Variants in CECR2 observed in about 807,000 individuals in gnomAD.
CECR2 encodes CECR2 histone acetyl-lysine reader.
Under a neutral mutation model 154.5 loss-of-function variants are expected in CECR2, and 30 were observed. That is an observed-to-expected ratio of 0.19 (90% CI 0.15 to 0.26). The LOEUF (loss-of-function observed/expected upper bound fraction) is 0.26, where lower values mean the gene tolerates loss of function less well. CECR2 is among the 10% of genes least tolerant of loss of function. The pLI is 1.00. For synonymous variants in CECR2, 725 were observed against 683.7 expected (o/e 1.06, Z -0.94); for missense variants, 1,743 against 1,829.3 (o/e 0.95, Z 0.86).
intron 1 of CECR2, among the ~76,000 whole-genome samples, chr22:17,401,457 ATC>A (rs1175082528): frequency 4.0e-5 from 6 of 151,876 alleles, no homozygotes; most frequent in Non-Finnish European, 8.8e-5. Flanking sequence ...TCCCTTTGTA[ATC>A]TCTTTGCCCC....
intron 1 of CECR2, among the ~76,000 whole-genome samples, chr22:17,445,835 C>G (rs2054653484): frequency 6.6e-6 from 1 of 152,082 alleles, no homozygotes; most frequent in Non-Finnish European, 1.5e-5. Context: ...TCAAGTGATC[C>G]TCCTGCCTCA....
Position 17,409,701 on chromosome 22 carries a change from G to T in CECR2, c.126+39792G>T, listed in dbSNP as rs1227291608. ...CTTTTCTGTTTTCTTCTTCTGGGGT[G>T]ACCTTTTTGGTTTACTTTAGTCTGT... On this transcript the variant is annotated intron_variant, in intron 1 of 18. Coordinates refer to ENST00000262608, the MANE Select transcript of CECR2 (RefSeq NM_001290047.2). Among the ~76,000 whole-genome samples the T allele has an allele frequency of 3.6e-5, 4 of 111,448 alleles. 1 individual carries two copies. The highest frequency in any genetic ancestry group is 6.0e-5 in the African/African-American group (2 of 33,572). The allele number at this position is 111,448 out of a possible 152,430, so 73.1% of individuals were successfully genotyped here.
chr22:17,437,117 T>C (rs918256367), intron 1 of CECR2, among the ~76,000 whole-genome samples: 2 of 152,066 alleles, frequency 1.3e-5, no homozygotes, highest in Non-Finnish European at 2.9e-5. Context: ...GGTTGTCTGG[T>C]GTTTGTTTCT....
chr22:17,406,625 T>G (rs532495047), intron 1 of CECR2, among the ~76,000 whole-genome samples: 1 of 152,204 alleles, frequency 6.6e-6, no homozygotes, highest in African/African-American at 2.4e-5. Flanking sequence ...TCTTTATCTT[T>G]TAATACAATA....
rs1368984575 is a variant in CECR2 at position 17,553,445 on chromosome 22, A to G, written c.*605A>G. Reference sequence around the variant, plus strand: ...TTTTATCTGTTTACAATCATGTCACACTGAATACTTATGGGAGCCGGAGAT... The same window carrying G: ...TTTTATCTGTTTACAATCATGTCACGCTGAATACTTATGGGAGCCGGAGAT... On this transcript the variant is annotated 3_prime_UTR_variant, in exon 19 of 19. Transcript: ENST00000262608. The G allele has an allele frequency of 6.6e-6, 1 of 152,310 alleles. No homozygotes were observed. The highest frequency in any genetic ancestry group is 1.9e-4 in the East Asian group (1 of 5,204). 9.4% of individuals were successfully genotyped at this position (152,310 alleles called of 1,614,324 possible). A position where few individuals can be genotyped will look rare whatever the true frequency, so the allele number is the denominator to read the frequency against.
At chr22:17,408,713 A>G (rs17807973) in intron 1 of CECR2, among the ~76,000 whole-genome samples, 5,506 of 152,318 alleles carry the variant, frequency 0.036, 109 homozygotes, top group Middle Eastern at 0.048. Context: ...AGTTCATCCC[A>G]TAGCTAAACA....
At chr22:17,417,186 G>T (rs1298032608) in intron 1 of CECR2, among the ~76,000 whole-genome samples, 1 of 152,162 alleles carries the variant, frequency 6.6e-6, no homozygotes, top group African/African-American at 2.4e-5. Flanking sequence ...CATTTGAATA[G>T]AAATGGCATT....
chr22:17,505,199 C>T (rs575159513), intron 7 of CECR2, among the ~76,000 whole-genome samples, 183 bp downstream of exon 7: 1 of 152,074 alleles, frequency 6.6e-6, no homozygotes, highest in Non-Finnish European at 1.5e-5. Context: ...ACTGTGGGTC[C>T]TATCATGTTC....
In CECR2 at chr22:17,552,160, T is replaced by C; in HGVS notation, c.4389+18T>C. 1 of 1,601,306 alleles carries C rather than the reference T, an allele frequency of 6.2e-7. No individual in the cohort carries two copies. The highest frequency in any genetic ancestry group is 8.6e-7 in the Non-Finnish European group (1 of 1,168,512). On this transcript the variant is annotated intron_variant, in intron 18 of 18. Transcript: ENST00000262608. ...TGGATCAGGTAAGGATCACTAAAAA[T>C]TAGAGCTGTTCTTCTTCCTCCAGGT...
chr22:17,369,189 T>G (rs1601230250), upstream of CECR2, among the ~76,000 whole-genome samples: 3 of 150,976 alleles, frequency 2.0e-5, no homozygotes, highest in African/African-American at 4.9e-5. Flanking sequence ...CGTCCTCCCT[T>G]GGGAAAGTGC....
At chr22:17,547,715 C>T (rs2056635396) in intron 16 of CECR2, among the ~76,000 whole-genome samples, 1 of 152,196 alleles carries the variant, frequency 6.6e-6, no homozygotes, top group South Asian at 2.1e-4. Flanking sequence ...TTTGGCCTTC[C>T]TGAGCGCCCG....
chr22:17,544,371 G>T (rs566655944), intron 16 of CECR2, among the ~76,000 whole-genome samples: 1 of 151,808 alleles, frequency 6.6e-6, no homozygotes, highest in Non-Finnish European at 1.5e-5. Flanking sequence ...GGTGGCAGGC[G>T]CCTGTAGTCC....
chr22:17,444,408 G>C (rs2054628475), intron 1 of CECR2, among the ~76,000 whole-genome samples: 1 of 152,102 alleles, frequency 6.6e-6, no homozygotes, highest in South Asian at 2.1e-4. Flanking sequence ...GGGCAGATCA[G>C]TTAAGGTCAG....
intron 1 of CECR2, among the ~76,000 whole-genome samples, chr22:17,372,468 C>A (rs769576971): frequency 6.6e-6 from 1 of 151,934 alleles, no homozygotes; most frequent in Non-Finnish European, 1.5e-5. Flanking sequence ...GAGTTCGAGA[C>A]GAGACTGGCT....
At chr22:17,468,842 C>T (rs559079133) in intron 1 of CECR2, among the ~76,000 whole-genome samples, 1 of 152,264 alleles carries the variant, frequency 6.6e-6, no homozygotes, top group South Asian at 2.1e-4. Flanking sequence ...TCTCGTAGTT[C>T]TTCAGACTGG....
At chr22:17,467,270 A>G (rs1455460867) in intron 1 of CECR2, among the ~76,000 whole-genome samples, 2 of 152,342 alleles carry the variant, frequency 1.3e-5, no homozygotes, top group Middle Eastern at 6.8e-3. Flanking sequence ...GATGGGCAGC[A>G]TAATCCTCTT....
chr22:17,390,237 G>A (rs560944894), intron 1 of CECR2, among the ~76,000 whole-genome samples: 1 of 151,070 alleles, frequency 6.6e-6, no homozygotes, highest in Admixed American at 6.6e-5. Flanking sequence ...TCATTCTATT[G>A]ACGGTCCCTC....
Position 17,504,840 on chromosome 22 carries a change from T to G in CECR2, c.701-7T>G, listed in dbSNP as rs369467523. The G allele has an allele frequency of 4.3e-6, 7 of 1,610,480 alleles. No individual in the cohort carries two copies. Among genetic ancestry groups the G allele is most frequent in the Non-Finnish European group, 5.9e-6 (7 of 1,178,740 alleles). On this transcript the variant is annotated splice_polypyrimidine_tract_variant and splice_region_variant and intron_variant, in intron 6 of 18. Coordinates refer to ENST00000262608, the MANE Select transcript of CECR2 (RefSeq NM_001290047.2). ...TCCTGTAGTGAATCCGTTCCTTTATTTTCTAGGGTCCCAAGGGCCAGGCCA... is the reference window on the plus strand; with the variant it reads ...TCCTGTAGTGAATCCGTTCCTTTATGTTCTAGGGTCCCAAGGGCCAGGCCA...
intron 3 of CECR2, among the ~76,000 whole-genome samples, chr22:17,499,009 A>G (rs2146876785): frequency 6.7e-6 from 1 of 149,528 alleles, no homozygotes; most frequent in Non-Finnish European, 1.5e-5. Flanking sequence ...TTATTGTTTG[A>G]GACAGAGTCT....
Sources: gnomAD v4.1 joint callset for allele counts (sites outside exome capture counted in the v4.1 genomes callset) on GRCh38, gnomAD v4.1.1 for gene constraint, MANE v1.5 for transcripts, NCBI Gene and HGNC (gene_info 2026-07-23, HGNC 2026-07-21) for gene names.